The following MMP26 variants were observed in gnomAD, a reference collection of about 807,000 sequenced individuals.
The protein encoded by MMP26 is matrix metalloproteinase-26.
In MMP26, 33 loss-of-function variants were observed where a neutral mutation model predicts 31.0. That is an observed-to-expected ratio of 1.06 (90% CI 0.81 to 1.42). The LOEUF is 1.42. MMP26 is among the 40% of genes most tolerant of loss of function. MMP26 has a pLI of 0.00. For synonymous variants in MMP26, 122 were observed against 114.9 expected (o/e 1.06, Z -0.40); for missense variants, 347 against 316.1 (o/e 1.10, Z -0.74).
chr11:4,817,485 G>GCTGA (rs1849437743), intron 2 of MMP26, among the ~76,000 whole-genome samples: 1 of 152,134 alleles, frequency 6.6e-6, no homozygotes, highest in Non-Finnish European at 1.5e-5. Context: ...TGCTAGGGAT[G>GCTGA]CTGAGGTGGA....
chr11:4,963,686 T>G (rs1475875517), intron 2 of MMP26, among the ~76,000 whole-genome samples: 2 of 152,180 alleles, frequency 1.3e-5, no homozygotes, highest in Admixed American at 1.3e-4. Context: ...TTTGAAAGAT[T>G]GATACACTGT....
chr11:4,986,298 A>G (rs942744148), intron 2 of MMP26, among the ~76,000 whole-genome samples: 1 of 151,962 alleles, frequency 6.6e-6, no homozygotes, highest in African/African-American at 2.4e-5. Flanking sequence ...ATAATTGTGT[A>G]TTTTTAACAA....
At chr11:4,860,861 T>G (rs1850144043) in intron 2 of MMP26, among the ~76,000 whole-genome samples, 1 of 151,966 alleles carries the variant, frequency 6.6e-6, no homozygotes, top group Non-Finnish European at 1.5e-5. Flanking sequence ...TCTCCTTTGA[T>G]ATCTCCTCAT....
chr11:4,714,587 G>A (rs1466074839), intron 1 of MMP26, among the ~76,000 whole-genome samples: 1 of 152,046 alleles, frequency 6.6e-6, no homozygotes, highest in African/African-American at 2.4e-5. Context: ...TAGTGCCATT[G>A]GTGAACTACC....
intron 6 of MMP26, 105 bp downstream of exon 6, chr11:4,991,601 A>G: frequency 7.0e-7 from 1 of 1,422,220 alleles, no homozygotes; most frequent in East Asian, 2.3e-5. Context: ...GAGGTGGAAG[A>G]TTTGGCTGAG....
intron 2 of MMP26, among the ~76,000 whole-genome samples, chr11:4,868,047 T>C (rs35720831): frequency 0.095 from 14,410 of 152,188 alleles, 876 homozygotes; most frequent in Middle Eastern, 0.19. Flanking sequence ...ATATACCATG[T>C]AATACTATGG....
chr11:4,760,792 A>T (rs773840492), intron 1 of MMP26, among the ~76,000 whole-genome samples: 4 of 152,206 alleles, frequency 2.6e-5, no homozygotes, highest in Non-Finnish European at 5.9e-5. Flanking sequence ...CATCAGATTG[A>T]TGCAGACTTA....
intron 2 of MMP26, among the ~76,000 whole-genome samples, chr11:4,800,480 A>C (rs887629692): frequency 6.6e-6 from 1 of 151,776 alleles, no homozygotes; most frequent in Non-Finnish European, 1.5e-5. Context: ...CCCCAAAACC[A>C]TTTTTTTCTT....
At chr11:4,867,278 T>C (rs1850248619) in intron 2 of MMP26, among the ~76,000 whole-genome samples, 2 of 150,944 alleles carry the variant, frequency 1.3e-5, no homozygotes, top group Non-Finnish European at 2.9e-5. Context: ...GCAAAGGACA[T>C]GAACAGACAT....
At chr11:4,706,713 G>C in intron 1 of MMP26, among the ~76,000 whole-genome samples, 1 of 151,900 alleles carries the variant, frequency 6.6e-6, no homozygotes, top group East Asian at 1.9e-4. Flanking sequence ...CAGATCTCTG[G>C]AACTAATTCT....
intron 2 of MMP26, chr11:4,882,801 T>C (rs777361403): frequency 3.7e-6 from 6 of 1,613,680 alleles, no homozygotes; most frequent in Non-Finnish European, 5.1e-6. Flanking sequence ...ACCAAGACAA[T>C]CCGCCAGGCT....
intron 2 of MMP26, among the ~76,000 whole-genome samples, chr11:4,862,922 T>C (rs1392058092): frequency 6.6e-6 from 1 of 152,116 alleles, no homozygotes; most frequent in African/African-American, 2.4e-5. Context: ...TGCCTAACCT[T>C]CTGCCTGCAC....
chr11:4,788,585 AT>A (rs926909590), intron 2 of MMP26, among the ~76,000 whole-genome samples: 10 of 151,708 alleles, frequency 6.6e-5, no homozygotes, highest in African/African-American at 1.7e-4. Context: ...AGAAGCATTA[AT>A]TTTTTTTTAA....
intron 2 of MMP26, among the ~76,000 whole-genome samples, chr11:4,985,874 C>G (rs1024551906): frequency 6.6e-6 from 1 of 152,140 alleles, no homozygotes; most frequent in Non-Finnish European, 1.5e-5. Flanking sequence ...TGCTCCTTTA[C>G]CAACAATCCC....
intron 2 of MMP26, among the ~76,000 whole-genome samples, chr11:4,786,493 CTTT>C (rs66987352): frequency 0.038 from 2,287 of 60,206 alleles, 50 homozygotes; most frequent in African/African-American, 0.071. Flanking sequence ...TCTGCTGATC[CTTT>C]TTTTTTTTTT....
chr11:4,736,781 G>C (rs1184236182), intron 1 of MMP26: 1 of 152,368 alleles, frequency 6.6e-6, no homozygotes, highest in Non-Finnish European at 1.5e-5. Context: ...ACAGTAAAAA[G>C]TTGAATGAAG....
intron 1 of MMP26, among the ~76,000 whole-genome samples, chr11:4,753,318 T>G (rs73393042): frequency 0.087 from 13,270 of 152,216 alleles, 1,197 homozygotes; most frequent in African/African-American, 0.23. Flanking sequence ...GTGTTTAGCT[T>G]CTTTCATTCA....
At chr11:4,800,571 TG>T (rs1564912443) in intron 2 of MMP26, among the ~76,000 whole-genome samples, 3 of 152,232 alleles carry the variant, frequency 2.0e-5, no homozygotes, top group African/African-American at 4.8e-5. Context: ...CCCATTGGCT[TG>T]GATATTAGCA....
intron 2 of MMP26, among the ~76,000 whole-genome samples, chr11:4,884,760 A>T (rs1323831018): frequency 6.6e-6 from 1 of 152,156 alleles, no homozygotes; most frequent in South Asian, 2.1e-4. Context: ...CTGGAAAAAC[A>T]GTATTTTTTT....
Sources: allele counts gnomAD v4.1 joint callset (sites outside exome capture counted in the v4.1 genomes callset), GRCh38; gene constraint gnomAD v4.1.1; transcripts MANE v1.5; gene names NCBI Gene and HGNC (gene_info 2026-07-23, HGNC 2026-07-21).